Variants in SUPT3H observed in about 807,000 individuals in gnomAD.
The protein encoded by SUPT3H is SPT3 homolog, SAGA and STAGA complex component.
SUPT3H carries 44 observed loss-of-function variants against 44.3 expected under a neutral mutation model. The observed-to-expected ratio is 0.99, with a 90% CI of 0.78 to 1.28. The LOEUF (loss-of-function observed/expected upper bound fraction) is 1.28, where lower values mean the gene tolerates loss of function less well. SUPT3H is among the 50% of genes most tolerant of loss of function. The pLI is 0.00. For missense variants in SUPT3H, 380 were observed against 387.1 expected (o/e 0.98, Z 0.15); for synonymous variants, 124 against 125.6 (o/e 0.99, Z 0.09).
At chr6:44,863,952 C>T (rs576919212) in intron 10 of SUPT3H, among the ~76,000 whole-genome samples, 1 of 152,102 alleles carries the variant, frequency 6.6e-6, no homozygotes, top group East Asian at 1.9e-4. Flanking sequence ...ATTCAATTAT[C>T]TCCCACCGAG....
chr6:45,295,712 T>C (rs1781077680), intron 2 of SUPT3H, among the ~76,000 whole-genome samples: 1 of 151,844 alleles, frequency 6.6e-6, no homozygotes, highest in Non-Finnish European at 1.5e-5. Context: ...AACAGACAAT[T>C]CTCAAAAGAA....
At chr6:44,965,996 C>T (rs568764364) in intron 6 of SUPT3H, among the ~76,000 whole-genome samples, 1 of 152,242 alleles carries the variant, frequency 6.6e-6, no homozygotes, top group South Asian at 2.1e-4. Context: ...AGACCAGAAA[C>T]TGTAAGAATT....
At chr6:44,862,307 C>T (rs1478859133) in intron 10 of SUPT3H, among the ~76,000 whole-genome samples, 1 of 151,846 alleles carries the variant, frequency 6.6e-6, no homozygotes, top group African/African-American at 2.4e-5. Flanking sequence ...CTTTTTGGAA[C>T]CCCAAAACCA....
chr6:45,052,463 G>A (rs995702535), intron 3 of SUPT3H, among the ~76,000 whole-genome samples: 42 of 152,206 alleles, frequency 2.8e-4, no homozygotes, highest in African/African-American at 8.9e-4. Context: ...CCAGATTATG[G>A]CATGACTACC....
At chr6:45,114,035 T>C (rs527906514) in intron 2 of SUPT3H, among the ~76,000 whole-genome samples, 6 of 151,922 alleles carry the variant, frequency 3.9e-5, no homozygotes, top group African/African-American at 1.4e-4. Flanking sequence ...TGTGAAGATA[T>C]ATAAAAAGCA....
At chr6:45,216,505 A>G (rs1393130551) in intron 2 of SUPT3H, among the ~76,000 whole-genome samples, 1 of 152,230 alleles carries the variant, frequency 6.6e-6, no homozygotes, top group Non-Finnish European at 1.5e-5. Context: ...GGCTGGATAA[A>G]TAAACTGAAT....
chr6:44,887,335 A>G lies in SUPT3H; in HGVS notation c.912+45318T>C, dbSNP rs185318448. Among the ~76,000 whole-genome samples the G allele has an allele frequency of 2.2e-3, 329 of 152,276 alleles. 1 individual carries two copies. Among genetic ancestry groups the G allele is most frequent in the African/African-American group, 7.6e-3 (315 of 41,548 alleles). ...TATACATTTTTTTCAGCACCACACC[A>G]CACCTACTCCAAAATTGACCACACG... On this transcript the variant is annotated intron_variant, in intron 10 of 10. Transcript: ENST00000371459.
intron 2 of SUPT3H, among the ~76,000 whole-genome samples, chr6:45,211,747 G>T (rs1764114817): frequency 6.6e-6 from 1 of 152,102 alleles, no homozygotes; most frequent in Non-Finnish European, 1.5e-5. Flanking sequence ...TACACGGGAG[G>T]CTGAAGCAGG....
At chr6:44,853,510 A>G (rs2153422458) in intron 10 of SUPT3H, among the ~76,000 whole-genome samples, 1 of 152,352 alleles carries the variant, frequency 6.6e-6, no homozygotes, top group South Asian at 2.1e-4. Context: ...AAATAAAAAA[A>G]TAAAAATTAA....
intron 5 of SUPT3H, among the ~76,000 whole-genome samples, chr6:45,008,255 C>A (rs972898364): frequency 2.0e-5 from 3 of 152,154 alleles, no homozygotes; most frequent in Admixed American, 1.3e-4. Flanking sequence ...TGAGGAACTT[C>A]CAAAATGCTT....
chr6:45,216,594 T>A (rs997147713), intron 2 of SUPT3H, among the ~76,000 whole-genome samples: 2 of 151,966 alleles, frequency 1.3e-5, no homozygotes, highest in Non-Finnish European at 2.9e-5. Context: ...AGACTGAAAG[T>A]GAAAAGATGC....
rs563366870 is a variant in SUPT3H at position 44,924,791 on chromosome 6, C to T, written c.912+7862G>A. Among the ~76,000 whole-genome samples, 34 of 151,962 alleles carry T rather than the reference C, an allele frequency of 2.2e-4. No homozygotes were observed. The South Asian group carries it at 7.1e-3, about 32-fold the overall frequency. On this transcript the variant is annotated intron_variant, in intron 10 of 10. Coordinates refer to ENST00000371459, the MANE Select transcript of SUPT3H (RefSeq NM_003599.4). ...CAGTTTTAAACATATGTTTGGTTTCCAATCTGTAATAATAGATTTAGTACT... is the reference window on the plus strand; with the variant it reads ...CAGTTTTAAACATATGTTTGGTTTCTAATCTGTAATAATAGATTTAGTACT...
At chr6:45,312,745 C>A (rs1784160279) in intron 2 of SUPT3H, among the ~76,000 whole-genome samples, 1 of 132,118 alleles carries the variant, frequency 7.6e-6, no homozygotes, top group Admixed American at 8.1e-5. Flanking sequence ...AGACAGTCAA[C>A]AAAGAAATAA....
chr6:44,993,399 T>C (rs1780857887), intron 6 of SUPT3H, among the ~76,000 whole-genome samples: 1 of 151,980 alleles, frequency 6.6e-6, no homozygotes, highest in African/African-American at 2.4e-5. Context: ...GTTCCATTTT[T>C]ATAGATCTGT....
intron 2 of SUPT3H, among the ~76,000 whole-genome samples, chr6:45,107,640 C>T (rs1441249487): frequency 6.6e-6 from 1 of 152,100 alleles, no homozygotes. Flanking sequence ...ATAGTGCCCA[C>T]AGGTACCTTG....
intron 2 of SUPT3H, among the ~76,000 whole-genome samples, chr6:45,283,063 C>T (rs1778471670): frequency 6.6e-6 from 1 of 152,042 alleles, no homozygotes; most frequent in South Asian, 2.1e-4. Flanking sequence ...CCAGGCCTGC[C>T]CTAAAAGAGC....
chr6:45,065,700 G>GAAA (rs1340595673), intron 3 of SUPT3H, among the ~76,000 whole-genome samples: 1 of 151,000 alleles, frequency 6.6e-6, no homozygotes, highest in Non-Finnish European at 1.5e-5. Context: ...AAATAAACTA[G>GAAA]AAAATCTAGA....
At chr6:44,985,236 T>TAAAATA (rs757270952) in intron 6 of SUPT3H, among the ~76,000 whole-genome samples, 12 of 101,888 alleles carry the variant, frequency 1.2e-4, no homozygotes, top group East Asian at 5.5e-4. Flanking sequence ...TAAAATAAAA[T>TAAAATA]AAATAAATAA....
intron 2 of SUPT3H, among the ~76,000 whole-genome samples, chr6:45,137,836 C>T (rs745483954): frequency 2.6e-5 from 4 of 151,732 alleles, no homozygotes; most frequent in Admixed American, 6.6e-5. Flanking sequence ...ACTTATAAAG[C>T]ACCTGCAATA....
Sources: allele counts gnomAD v4.1 joint callset (sites outside exome capture counted in the v4.1 genomes callset), GRCh38; gene constraint gnomAD v4.1.1; transcripts MANE v1.5; gene names NCBI Gene and HGNC (gene_info 2026-07-23, HGNC 2026-07-21).